RGS8: variants seen among roughly 807,000 people sequenced by gnomAD.
The protein encoded by RGS8 is regulator of G protein signaling 8.
In RGS8, 8 loss-of-function variants were observed where a neutral mutation model predicts 21.7. That is an observed-to-expected ratio of 0.37 (90% confidence interval 0.22 to 0.66). The LOEUF is 0.66. Ranked by LOEUF, RGS8 falls within the 30% of genes least tolerant of loss-of-function variation. The pLI is 0.59. For missense variants in RGS8, 157 were observed against 217.9 expected (o/e 0.72, Z 1.76); for synonymous variants, 80 against 83.6 (o/e 0.96, Z 0.24).
chr1:182,711,279 C>A, the RGS8 span, among the ~76,000 whole-genome samples: 3 of 152,194 alleles, frequency 2.0e-5, no homozygotes, highest in Non-Finnish European at 4.4e-5. Flanking sequence ...GTGGCCACTG[C>A]ACCATGATGT....
chr1:182,697,017 A>T, the RGS8 span, among the ~76,000 whole-genome samples: 1 of 152,222 alleles, frequency 6.6e-6, no homozygotes, highest in African/African-American at 2.4e-5. Flanking sequence ...TGGCAGAAGT[A>T]GGAGTCCCAA....
At chr1:182,686,606 G>A (rs1664714858), upstream of RGS8, among the ~76,000 whole-genome samples, 1 of 152,146 alleles carries the variant, frequency 6.6e-6, no homozygotes, top group South Asian at 2.1e-4. Flanking sequence ...TAAGGCTAAG[G>A]GACCTAGGAG....
upstream of RGS8, among the ~76,000 whole-genome samples, chr1:182,685,276 C>T (rs1021722289): frequency 6.6e-5 from 10 of 152,100 alleles, no homozygotes; most frequent in East Asian, 3.9e-4. Context: ...GAGAATGTGA[C>T]GCTTCTGTCT....
At chr1:182,696,301 CT>C in the RGS8 span, among the ~76,000 whole-genome samples, 1 of 152,234 alleles carries the variant, frequency 6.6e-6, no homozygotes, top group African/African-American at 2.4e-5. Flanking sequence ...CTCTGTCTAG[CT>C]TTTTTATTTT....
At chr1:182,672,553 G>A (rs1162227022), upstream of RGS8, among the ~76,000 whole-genome samples, 1 of 151,822 alleles carries the variant, frequency 6.6e-6, no homozygotes, top group East Asian at 1.9e-4. Context: ...CCTAACCAGT[G>A]CCAACCACAC....
upstream of RGS8, among the ~76,000 whole-genome samples, chr1:182,685,398 G>A (rs1361146403): frequency 6.6e-6 from 1 of 152,230 alleles, no homozygotes; most frequent in Non-Finnish European, 1.5e-5. Context: ...ACAGTCTCCT[G>A]GACCTGCCAT....
chr1:182,703,809 G>C, the RGS8 span, among the ~76,000 whole-genome samples: 2 of 152,202 alleles, frequency 1.3e-5, no homozygotes, highest in African/African-American at 4.8e-5. Context: ...AGTCAGGGAG[G>C]GGTGATGCCG....
chr1:182,682,072 C>G (rs1664552980), intron 1 of RGS8, among the ~76,000 whole-genome samples: 1 of 151,978 alleles, frequency 6.6e-6, no homozygotes, highest in South Asian at 2.1e-4. Flanking sequence ...GGTGTTTGGA[C>G]AAAGAAGAAA....
the RGS8 span, among the ~76,000 whole-genome samples, chr1:182,744,827 A>G: frequency 6.6e-6 from 1 of 152,214 alleles, no homozygotes; most frequent in African/African-American, 2.4e-5. Context: ...AGTGTTGTCC[A>G]AACATGATCA....
chr1:182,743,043 G>A, the RGS8 span, among the ~76,000 whole-genome samples: 1 of 151,696 alleles, frequency 6.6e-6, no homozygotes, highest in South Asian at 2.1e-4. Context: ...AACACCCACA[G>A]GCCTTGGAAG....
intron 5 of RGS8, among the ~76,000 whole-genome samples, chr1:182,659,817 CA>C (rs11333622): frequency 0.66 from 98,992 of 150,512 alleles, 33,076 homozygotes; most frequent in Non-Finnish European, 0.73. Flanking sequence ...CAGGGACTCA[CA>C]AAAAAAAAAG....
intron 2 of RGS8, 88 bp downstream of exon 3, chr1:182,671,569 G>T: frequency 8.7e-7 from 1 of 1,154,448 alleles, no homozygotes; most frequent in Non-Finnish European, 1.3e-6. Context: ...CAATATGCAT[G>T]AAGAGGCAAG....
the RGS8 span, among the ~76,000 whole-genome samples, chr1:182,722,277 A>G: frequency 6.8e-6 from 1 of 146,516 alleles, no homozygotes; most frequent in Non-Finnish European, 1.5e-5. Context: ...TAAAAGAGTA[A>G]TTTGGTCACC....
intron 1 of RGS8, among the ~76,000 whole-genome samples, chr1:182,680,467 CA>C (rs1299320449): frequency 1.3e-5 from 2 of 152,272 alleles, no homozygotes; most frequent in South Asian, 4.1e-4. Flanking sequence ...ACGACTTCTC[CA>C]AAAGCCTCAC....
At chr1:182,643,815 C>T (rs971014728), downstream of RGS8, 7 of 152,306 alleles carry the variant, frequency 4.6e-5, no homozygotes, top group African/African-American at 1.7e-4. Context: ...AATGACGAAT[C>T]TCACACCAGC....
intron 5 of RGS8, among the ~76,000 whole-genome samples, chr1:182,648,750 A>G (rs1339564939): frequency 6.6e-6 from 1 of 151,888 alleles, no homozygotes; most frequent in Admixed American, 6.6e-5. Context: ...AAGAAAAAAA[A>G]AGACCCCATT....
At chr1:182,681,717 A>G (rs1313507786) in intron 1 of RGS8, among the ~76,000 whole-genome samples, 3 of 152,170 alleles carry the variant, frequency 2.0e-5, no homozygotes, top group South Asian at 2.1e-4. Context: ...GGTGCACGTT[A>G]ATGTCTGAGC....
intron 1 of RGS8, among the ~76,000 whole-genome samples, chr1:182,682,179 C>T (rs114910574): frequency 0.01 from 1,558 of 152,234 alleles, 20 homozygotes; most frequent in Non-Finnish European, 0.017. Flanking sequence ...ATTTGTATAG[C>T]GCAGTCACAA....
the RGS8 span, among the ~76,000 whole-genome samples, chr1:182,712,570 TG>T: frequency 6.6e-6 from 1 of 152,230 alleles, no homozygotes. Context: ...TTTAAAAATA[TG>T]GGCATCCTTC....
Sources: allele counts gnomAD v4.1 joint callset (sites outside exome capture counted in the v4.1 genomes callset), GRCh38; gene constraint gnomAD v4.1.1; transcripts MANE v1.5; gene names NCBI Gene and HGNC (gene_info 2026-07-23, HGNC 2026-07-21).